DHRS12: variants seen among roughly 807,000 people sequenced by gnomAD.
DHRS12 encodes dehydrogenase/reductase 12, also known as dehydrogenase/reductase SDR family member 12.
A neutral mutation model predicts 32.1 loss-of-function variants in DHRS12; 29 were observed. The observed-to-expected ratio is 0.90, with a 90% confidence interval of 0.67 to 1.23. The LOEUF (loss-of-function observed/expected upper bound fraction) is 1.23. DHRS12 is among the 50% of genes most tolerant of loss of function. DHRS12 has a pLI of 0.00. For missense variants in DHRS12, 330 were observed against 337.2 expected (o/e 0.98, Z 0.17); for synonymous variants, 150 against 135.9 (o/e 1.10, Z -0.72).
At chr13:51,762,231 G>A in the DHRS12 span, 1 of 152,280 alleles carries the variant, frequency 6.6e-6, no homozygotes, top group African/African-American at 2.4e-5. Context: ...GCCTGTATGG[G>A]TTCTGAGATG....
At chr13:51,763,800 T>C (rs1163768663), downstream of DHRS12, 1 of 152,094 alleles carries the variant, frequency 6.6e-6, no homozygotes, top group African/African-American at 2.4e-5. Context: ...CCTGAATAAA[T>C]AAACAAAAGT....
At chr13:51,800,451 G>A (rs556556143) in intron 1 of DHRS12, among the ~76,000 whole-genome samples, 1 of 152,376 alleles carries the variant, frequency 6.6e-6, no homozygotes, top group South Asian at 2.1e-4. Flanking sequence ...AGTGGTGGCA[G>A]AATGGTGGGG....
At chr13:51,756,060 C>G in the DHRS12 span, among the ~76,000 whole-genome samples, 7,738 of 152,188 alleles carry the variant, frequency 0.051, 245 homozygotes, top group Middle Eastern at 0.082. Flanking sequence ...CTCTGTAGTT[C>G]CTAGTATGAT....
At chr13:51,802,676 A>G (rs1955815285) in intron 1 of DHRS12, among the ~76,000 whole-genome samples, 1 of 152,250 alleles carries the variant, frequency 6.6e-6, no homozygotes, top group African/African-American at 2.4e-5. Context: ...TCCTTGTGCC[A>G]AGAGAAACGT....
Position 51,777,110 on chromosome 13 carries a change from G to C in DHRS12, c.313C>G (p.Leu105Val). 2 of 1,614,110 alleles carry C rather than the reference G, an allele frequency of 1.2e-6. No individual in the cohort carries two copies. Among genetic ancestry groups the C allele is most frequent in the South Asian group, 1.1e-5 (1 of 91,086 alleles). The change falls in exon 5 of 9, where the codon CTC becomes GTC. Residue 105 changes from leucine to valine, a missense_variant. Coordinates refer to ENST00000444610, the MANE Select transcript of DHRS12 (RefSeq NM_001377533.1). ...FAANTLGVYI[L>V]TTGLIPVLEK... ...AGCACAGGGATCAGGCCGGTCGTGAGAATGTACACACCTGAGGCAGCACAC... is the reference window on the plus strand; with the variant it reads ...AGCACAGGGATCAGGCCGGTCGTGACAATGTACACACCTGAGGCAGCACAC...
At chr13:51,773,111 G>A (rs1954112673) in intron 6 of DHRS12, 3 of 952,254 alleles carry the variant, frequency 3.2e-6, no homozygotes, top group African/African-American at 1.8e-5. Context: ...GCTGTAATAA[G>A]CAGAGATACA....
intron 7 of DHRS12, chr13:51,771,554 A>G: frequency 6.2e-7 from 1 of 1,600,514 alleles, no homozygotes; most frequent in Non-Finnish European, 8.5e-7. Context: ...TGCTGTAGTT[A>G]GCAGGGCGCC....
At chr13:51,800,535 C>T (rs1458754436) in intron 1 of DHRS12, among the ~76,000 whole-genome samples, 2 of 152,230 alleles carry the variant, frequency 1.3e-5, no homozygotes, top group Non-Finnish European at 2.9e-5. Context: ...TTACATCTCT[C>T]ACCTACGGAG....
intron 2 of DHRS12, among the ~76,000 whole-genome samples, chr13:51,798,120 A>G (rs1425838220): frequency 6.6e-6 from 1 of 152,174 alleles, no homozygotes; most frequent in African/African-American, 2.4e-5. Context: ...GTCTGGAATA[A>G]CATCCTGATT....
At chr13:51,771,335 C>G in intron 7 of DHRS12, 1 of 1,601,810 alleles carries the variant, frequency 6.2e-7, no homozygotes, top group Non-Finnish European at 8.5e-7. Flanking sequence ...GAAGAGAATT[C>G]TGCTCCCCTC....
intron 4 of DHRS12, among the ~76,000 whole-genome samples, chr13:51,781,746 G>A (rs1286222297): frequency 6.6e-6 from 1 of 152,214 alleles, no homozygotes; most frequent in Non-Finnish European, 1.5e-5. Flanking sequence ...GCATGGTAGA[G>A]GGTAGGGCAA....
intron 4 of DHRS12, among the ~76,000 whole-genome samples, chr13:51,788,457 T>C (rs1210728975): frequency 6.6e-6 from 1 of 152,186 alleles, no homozygotes; most frequent in African/African-American, 2.4e-5. Context: ...TTCCCACTCC[T>C]AGCCTTTCTT....
At chr13:51,802,459 G>C (rs1054800353) in intron 1 of DHRS12, among the ~76,000 whole-genome samples, 1 of 152,168 alleles carries the variant, frequency 6.6e-6, no homozygotes, top group Non-Finnish European at 1.5e-5. Context: ...GACAGGGATG[G>C]GGAGGAGGAA....
At chr13:51,792,168 C>G (rs886831848) in intron 2 of DHRS12, among the ~76,000 whole-genome samples, 1 of 152,152 alleles carries the variant, frequency 6.6e-6, no homozygotes, top group Middle Eastern at 3.2e-3. Context: ...TTTTGAGGAA[C>G]CTCCATACTG....
chr13:51,798,070 G>A (rs1358709797), intron 2 of DHRS12, among the ~76,000 whole-genome samples: 1 of 152,184 alleles, frequency 6.6e-6, no homozygotes, highest in Non-Finnish European at 1.5e-5. Flanking sequence ...GATGGTGAGG[G>A]AGGTGCTGGA....
the DHRS12 span, chr13:51,760,073 T>C: frequency 3.5e-6 from 1 of 282,414 alleles, no homozygotes; most frequent in African/African-American, 2.2e-5. Flanking sequence ...TTAATTTTTA[T>C]ACTTTTCAAC....
the DHRS12 span, chr13:51,756,197 A>C: frequency 2.6e-5 from 33 of 1,282,722 alleles, no homozygotes; most frequent in Non-Finnish European, 3.3e-5. Context: ...TGTTCCCTTT[A>C]GTTCTGGGGC....
At chr13:51,758,919 C>CA in the DHRS12 span, among the ~76,000 whole-genome samples, 1 of 152,158 alleles carries the variant, frequency 6.6e-6, no homozygotes, top group Non-Finnish European at 1.5e-5. Context: ...TGTGTTGACT[C>CA]ACGCCTATAA....
chr13:51,768,362 T>G lies in DHRS12; in HGVS notation c.698-66A>C. ...CAGCGTGGCTGGGTCCATGTCCCTG[T>G]GCTGCTCAGGCCTTGAACCGACGCC... On this transcript the variant is annotated intron_variant, in intron 8 of 8. Coordinates refer to ENST00000444610, the MANE Select transcript of DHRS12 (RefSeq NM_001377533.1). The G allele has an allele frequency of 9.8e-6, 15 of 1,532,216 alleles. No individual in the cohort carries two copies. The South Asian group carries it at 1.7e-4, about 17-fold the overall frequency. The allele number at this position is 1,532,216 out of a possible 1,614,324, so 94.9% of individuals were successfully genotyped here. A position where few individuals can be genotyped will look rare whatever the true frequency, so the allele number is the denominator to read the frequency against.
Sources: allele counts gnomAD v4.1 joint callset (sites outside exome capture counted in the v4.1 genomes callset), GRCh38; gene constraint gnomAD v4.1.1; transcripts MANE v1.5; gene names NCBI Gene and HGNC (gene_info 2026-07-23, HGNC 2026-07-21).